The following CEP85L variants were observed in gnomAD, a reference collection of about 807,000 sequenced individuals.
CEP85L encodes the protein centrosomal protein 85L.
A neutral mutation model predicts 100.3 loss-of-function variants in CEP85L; 60 were observed. That is an observed-to-expected ratio of 0.60 (90% confidence interval 0.49 to 0.74). The LOEUF (loss-of-function observed/expected upper bound fraction) is 0.74, where lower values mean the gene tolerates loss of function less well. CEP85L is among the 30% of genes least tolerant of loss of function. The pLI is 0.00. For missense variants in CEP85L, 973 were observed against 936.2 expected (o/e 1.04, Z -0.51); for synonymous variants, 319 against 322.7 (o/e 0.99, Z 0.12).
chr6:118,578,788 G>A (rs2115063155), intron 2 of CEP85L, among the ~76,000 whole-genome samples: 1 of 152,346 alleles, frequency 6.6e-6, no homozygotes, highest in South Asian at 2.1e-4. Context: ...GAGCGTGACT[G>A]ATGCAGGCAG....
intron 5 of CEP85L, among the ~76,000 whole-genome samples, chr6:118,505,349 G>A (rs1041655382): frequency 3.7e-5 from 5 of 133,836 alleles, no homozygotes; most frequent in Admixed American, 8.2e-5. Context: ...GCTGAGGCAG[G>A]AGAATTGCTT....
intron 1 of CEP85L, among the ~76,000 whole-genome samples, chr6:118,681,554 T>A (rs937561399): frequency 2.6e-5 from 4 of 152,138 alleles, no homozygotes; most frequent in Non-Finnish European, 4.4e-5. Flanking sequence ...TTCCTCTATT[T>A]TTTTCCTAAT....
In CEP85L at chr6:118,681,380, G is replaced by C. The variant is rs939862218; in HGVS notation, c.-27-28572C>G. ...GAAGTAGTTCCCTAGAAGAACTAGAGAGAGAGATGTAATTATCCCTGATAC... is the reference window on the plus strand; with the variant it reads ...GAAGTAGTTCCCTAGAAGAACTAGACAGAGAGATGTAATTATCCCTGATAC... On this transcript the variant is annotated intron_variant, in intron 1 of 13. Coordinates refer to the CEP85L transcript ENST00000368488. 1.5e-4 allele frequency among the ~76,000 whole-genome samples: 23 copies of C among 152,100 alleles called. 1 individual carries two copies. Among genetic ancestry groups the C allele is most frequent in the Admixed American group, 2.0e-4 (3 of 15,264 alleles).
intron 7 of CEP85L, among the ~76,000 whole-genome samples, chr6:118,482,974 C>T (rs1480704799): frequency 2.0e-5 from 3 of 152,056 alleles, no homozygotes; most frequent in Admixed American, 6.6e-5. Flanking sequence ...TTGGGATAAA[C>T]GAGAAGGAGC....
intron 5 of CEP85L, chr6:118,502,618 T>C (rs575451090): frequency 6.2e-6 from 3 of 482,408 alleles, no homozygotes; most frequent in South Asian, 6.2e-5. Context: ...AGCTGAAGTA[T>C]TCCAGAAGAA....
chr6:118,550,234 A>G (rs551138865), intron 3 of CEP85L, among the ~76,000 whole-genome samples: 2 of 152,054 alleles, frequency 1.3e-5, no homozygotes, highest in South Asian at 4.1e-4. Context: ...AAGGAAAATG[A>G]TCACATTTGG....
intron 1 of CEP85L, among the ~76,000 whole-genome samples, chr6:118,704,919 C>A (rs1395172579): frequency 6.6e-6 from 1 of 151,928 alleles, no homozygotes; most frequent in Non-Finnish European, 1.5e-5. Flanking sequence ...TTTAAAAATT[C>A]ACAGGCTTCC....
intron 3 of CEP85L, among the ~76,000 whole-genome samples, chr6:118,542,919 A>AAAAAAAAAAAAAAAAAAAAC (rs1562245143): frequency 6.6e-6 from 1 of 150,756 alleles, no homozygotes; most frequent in African/African-American, 2.4e-5. Context: ...AAAAAAAAAA[A>AAAAAAAAAAAAAAAAAAAAC]AAAACAGGAT....
chr6:118,634,393 A>T (rs1484457693), intron 1 of CEP85L, among the ~76,000 whole-genome samples: 3 of 152,200 alleles, frequency 2.0e-5, no homozygotes, highest in African/African-American at 7.2e-5. Flanking sequence ...TTAATAAAAC[A>T]TTGTCACATT....
chr6:118,648,507 C>T (rs949595706), intron 1 of CEP85L, among the ~76,000 whole-genome samples: 2 of 151,700 alleles, frequency 1.3e-5, no homozygotes, highest in South Asian at 2.1e-4. Context: ...TTTGGGAGGC[C>T]GAGGCAGGAG....
chr6:118,562,418 C>T (rs1387908511), intron 3 of CEP85L, among the ~76,000 whole-genome samples: 1 of 151,864 alleles, frequency 6.6e-6, no homozygotes, highest in East Asian at 1.9e-4. Flanking sequence ...GGCTGGAATG[C>T]AGTCACATGA....
chr6:118,516,026 T>C (rs555552157), intron 4 of CEP85L, among the ~76,000 whole-genome samples: 2 of 152,210 alleles, frequency 1.3e-5, no homozygotes, highest in Non-Finnish European at 1.5e-5. Context: ...TGTGTTAGTT[T>C]GCTGAGAATG....
rs1772269631 is a variant in CEP85L, at chr6:118,462,240, T to C, written c.*3165A>G. The C allele has an allele frequency of 6.6e-6, 1 of 152,048 alleles. No individual in the cohort carries two copies. The highest frequency in any genetic ancestry group is 6.6e-5 in the Admixed American group (1 of 15,262). 9.4% of individuals were successfully genotyped at this position (152,048 alleles called of 1,614,324 possible). ...AATACTGTTAGCATTAAATATTGAATCCTAGGTGCCACACTTCTTTTAAAA... is the reference window on the plus strand; with the variant it reads ...AATACTGTTAGCATTAAATATTGAACCCTAGGTGCCACACTTCTTTTAAAA... On this transcript the variant is annotated 3_prime_UTR_variant, in exon 13 of 13. Coordinates refer to ENST00000368491, the MANE Select transcript of CEP85L (RefSeq NM_001042475.3).
intron 1 of CEP85L, among the ~76,000 whole-genome samples, chr6:118,708,271 G>A (rs568719994): frequency 1.7e-4 from 26 of 152,294 alleles, no homozygotes; most frequent in African/African-American, 6.0e-4. Context: ...GTTCATGAGC[G>A]AGGTGTCTAG....
At chr6:118,613,318 C>G (rs1772780563) in intron 2 of CEP85L, among the ~76,000 whole-genome samples, 1 of 152,196 alleles carries the variant, frequency 6.6e-6, no homozygotes, top group Non-Finnish European at 1.5e-5. Flanking sequence ...ATTCTACACA[C>G]ATAAACTTGA....
intron 2 of CEP85L, among the ~76,000 whole-genome samples, chr6:118,600,440 C>G (rs1457116349): frequency 2.0e-5 from 3 of 149,942 alleles, no homozygotes; most frequent in African/African-American, 7.4e-5. Context: ...CCTGTCTCAG[C>G]CCCTCTGCTG....
rs1300911330 is a variant in CEP85L, at chr6:118,465,135, G to A, written c.*270C>T. ...ATGTGAAGGGTACTCTTCACAGCTT[G>A]GTCCTACAATCAGTAGTTTGAGAAT... is the stretch of plus-strand genomic sequence containing the variant. On this transcript the variant is annotated 3_prime_UTR_variant, in exon 13 of 13. Coordinates refer to ENST00000368491, the MANE Select transcript of CEP85L (RefSeq NM_001042475.3). The A allele has an allele frequency of 2.9e-6, 1 of 344,950 alleles. No individual in the cohort carries two copies. The highest frequency in any genetic ancestry group is 5.3e-6 in the Non-Finnish European group (1 of 188,366). The allele number at this position is 344,950 out of a possible 1,614,324, so 21.4% of individuals were successfully genotyped here.
chr6:118,540,742 C>T (rs557937431), intron 3 of CEP85L, among the ~76,000 whole-genome samples: 2 of 149,582 alleles, frequency 1.3e-5, no homozygotes, highest in Non-Finnish European at 3.0e-5. Context: ...GGCAACAGAG[C>T]GAGACCCCAT....
chr6:118,677,210 A>G (rs547907111), intron 1 of CEP85L, among the ~76,000 whole-genome samples: 7 of 152,316 alleles, frequency 4.6e-5, no homozygotes, highest in African/African-American at 1.7e-4. Flanking sequence ...GAACTAGATG[A>G]CTTTAACACA....
Sources: gnomAD v4.1 joint callset for allele counts (sites outside exome capture counted in the v4.1 genomes callset) on GRCh38, gnomAD v4.1.1 for gene constraint, MANE v1.5 for transcripts, NCBI Gene and HGNC (gene_info 2026-07-23, HGNC 2026-07-21) for gene names.